Variants in CHMP2B observed in about 807,000 individuals in gnomAD.
CHMP2B encodes the protein VPS2 homolog B.
Under a neutral mutation model 29.8 loss-of-function variants are expected in CHMP2B, and 22 were observed. That is an observed-to-expected ratio of 0.74 (90% CI 0.53 to 1.05). The LOEUF (loss-of-function observed/expected upper bound fraction) is 1.05, where lower values mean the gene tolerates loss of function less well. CHMP2B is among the 50% of genes least tolerant of loss of function. CHMP2B has a pLI of 0.00. For synonymous variants in CHMP2B, 78 were observed against 75.8 expected, an observed-to-expected ratio of 1.03 and a Z score of -0.15; for missense variants, 261 against 252.2, an observed-to-expected ratio of 1.03 and a Z score of -0.24.
chr3:87,241,647 T>C (rs905510160), intron 2 of CHMP2B, among the ~76,000 whole-genome samples: 34 of 152,196 alleles, frequency 2.2e-4, no homozygotes, highest in African/African-American at 6.0e-4. Context: ...GTTAATTACT[T>C]TTTATTGATG....
intron 1 of CHMP2B, among the ~76,000 whole-genome samples, chr3:87,234,769 G>A (rs1705970032): frequency 6.6e-6 from 1 of 152,136 alleles, no homozygotes; most frequent in African/African-American, 2.4e-5. Flanking sequence ...GGATAGACAG[G>A]AGTCAAGCAC....
At chr3:87,231,597 G>A (rs181189899) in intron 1 of CHMP2B, among the ~76,000 whole-genome samples, 2 of 152,250 alleles carry the variant, frequency 1.3e-5, no homozygotes, top group Non-Finnish European at 2.9e-5. Context: ...AGGATCCACT[G>A]TGAGTGTTTT....
At position 87,227,553 on chromosome 3, in the gene CHMP2B, G is replaced by T; in HGVS notation, c.31G>T (p.Asp11Tyr). 2 of 1,614,186 alleles carry T rather than the reference G, an allele frequency of 1.2e-6. No individual in the cohort carries two copies. Among genetic ancestry groups the T allele is most frequent in the Non-Finnish European group, 1.7e-6 (2 of 1,180,028 alleles). MASLFKKKTV[D>Y]DVIKEQNREL... The stretch of plus-strand genomic sequence containing the variant: ...GTCCCTCTTCAAGAAGAAAACCGTG[G>T]ATGGTGAGTTCCAGGCCGGGCTGAA... Residue 11 changes from aspartate (D) to tyrosine (Y), a missense_variant, in exon 1 of 6, where the codon GAT (aspartate) becomes TAT (tyrosine). Coordinates refer to ENST00000263780, the MANE Select transcript of CHMP2B (RefSeq NM_014043.4).
intron 4 of CHMP2B, among the ~76,000 whole-genome samples, chr3:87,252,677 G>T (rs1306230795): frequency 6.6e-6 from 1 of 151,586 alleles, no homozygotes; most frequent in African/African-American, 2.4e-5. Context: ...CGAGGTCTTT[G>T]TTTTTCTCCG....
intron 4 of CHMP2B, 63 bp from the exon 5 acceptor site, chr3:87,253,341 T>C: frequency 3.2e-6 from 3 of 950,530 alleles, no homozygotes; most frequent in Admixed American, 1.7e-5. Flanking sequence ...ACTGTAAATA[T>C]GTAAGTCTAA....
chr3:87,236,688 C>G (rs1706019122), intron 1 of CHMP2B, among the ~76,000 whole-genome samples: 1 of 151,892 alleles, frequency 6.6e-6, no homozygotes, highest in South Asian at 2.1e-4. Context: ...CCCGTCTCTA[C>G]TAAAAATACC....
chr3:87,237,850 TAGA>T (rs1430831671), intron 1 of CHMP2B, among the ~76,000 whole-genome samples: 1 of 152,182 alleles, frequency 6.6e-6, no homozygotes, highest in Non-Finnish European at 1.5e-5. Context: ...TCACTCATTT[TAGA>T]AGAAGAAAGT....
rs1462993811 is a variant in CHMP2B at position 87,252,941 on chromosome 3, A to G, written c.425-463A>G. On this transcript the variant is annotated intron_variant, in intron 4 of 5. Coordinates refer to ENST00000263780, the MANE Select transcript of CHMP2B (RefSeq NM_014043.4). ...AAAATATTGAACCTTAGATTTCTCT[A>G]GAATATTCTACCTGTATCTTGAATG... 4.8e-5 allele frequency: 8 copies of G among 165,054 alleles called. No homozygotes were observed. In the Admixed American group the frequency reaches 4.8e-4, roughly 10 times the overall value. 10.2% of individuals were successfully genotyped at this position (165,054 alleles called of 1,614,324 possible). A position where few individuals can be genotyped will look rare whatever the true frequency, so the allele number is the denominator to read the frequency against.
rs554464106 is a variant in CHMP2B, at chr3:87,243,386, GT to G, written c.127-2320del. Among the ~76,000 whole-genome samples, 1,155 of 151,526 alleles carry G rather than the reference GT, an allele frequency of 7.6e-3. 4 individuals are homozygous for G. The highest frequency in any genetic ancestry group is 0.012 in the Non-Finnish European group (845 of 67,846). On this transcript the variant is annotated intron_variant, in intron 2 of 5. Coordinates refer to ENST00000263780, the MANE Select transcript of CHMP2B (RefSeq NM_014043.4). ...TTGTAGTTTTCTTTTTGTGTGGTGG[GT>G]TTTTTTTGTTTGTTTGTTTGTTTGT...
At chr3:87,234,799 A>T (rs1705970859) in intron 1 of CHMP2B, among the ~76,000 whole-genome samples, 1 of 152,216 alleles carries the variant, frequency 6.6e-6, no homozygotes, top group Admixed American at 6.5e-5. Context: ...CTTAGGTGGC[A>T]GCAGTACCCT....
intron 1 of CHMP2B, among the ~76,000 whole-genome samples, chr3:87,239,519 C>G (rs1284265608): frequency 6.6e-6 from 1 of 151,974 alleles, no homozygotes; most frequent in Non-Finnish European, 1.5e-5. Flanking sequence ...ACTGTTCTTT[C>G]TCCTGTTGTT....
rs1335954545 is a variant in CHMP2B, at chr3:87,227,434, C to A, written c.-89C>A. On this transcript the variant is annotated 5_prime_UTR_variant, in exon 1 of 6. Coordinates refer to ENST00000263780, the MANE Select transcript of CHMP2B (RefSeq NM_014043.4). ...GTCTCTCCGCTCCGCCACCCCGAACCCGCCAAGGTCCTGTCCTTTTCCTCC... is the reference window on the plus strand; with the variant it reads ...GTCTCTCCGCTCCGCCACCCCGAACACGCCAAGGTCCTGTCCTTTTCCTCC... The A allele has an allele frequency of 2.6e-6, 4 of 1,529,206 alleles. No individual in the cohort carries two copies. Among genetic ancestry groups the A allele is most frequent in the Non-Finnish European group, 3.6e-6 (4 of 1,103,480 alleles). The allele number at this position is 1,529,206 out of a possible 1,614,324, so 94.7% of individuals were successfully genotyped here. A position where few individuals can be genotyped will look rare whatever the true frequency, so the allele number is the denominator to read the frequency against.
At position 87,254,790 on chromosome 3, in the gene CHMP2B, G is replaced by A. The variant is rs886058910; in HGVS notation, c.*968G>A. On this transcript the variant is annotated 3_prime_UTR_variant, in exon 6 of 6. Transcript: ENST00000263780. ...TTTAAACTGTTTAATTTTGTTTAAT[G>A]TGTATATTGAATCTTCCAAATTGAA... 3.3e-5 allele frequency: 5 copies of A among 151,988 alleles called. No individual in the cohort carries two copies. In the South Asian group the frequency reaches 1.0e-3, roughly 32 times the overall value. The allele number at this position is 151,988 out of a possible 1,614,324, so 9.4% of individuals were successfully genotyped here.
intron 1 of CHMP2B, among the ~76,000 whole-genome samples, chr3:87,231,796 A>T (rs1425751704): frequency 6.6e-6 from 1 of 152,058 alleles, no homozygotes; most frequent in Non-Finnish European, 1.5e-5. Context: ...CCTCTAGCTA[A>T]GCTGAACTAT....
At position 87,253,506 on chromosome 3, in the gene CHMP2B, G is replaced by A. The variant is rs1459567090; in HGVS notation, c.527G>A (p.Gly176Glu). ...VLDEIGIEISGKMAKAPSAAR... is the reference protein window; with the variant it reads ...VLDEIGIEISEKMAKAPSAAR... ...GATGAAATTGGAATTGAAATTTCTG[G>A]AAAGGTATGAACATCATCTTTTCTT... The change falls in exon 5 of 6, where the codon GGA becomes GAA. Residue 176 changes from glycine (G) to glutamate (E), a missense_variant. Gly to Glu is a moderately conservative substitution (Grantham distance 98). Transcript: ENST00000263780. 6.3e-7 allele frequency: 1 copy of A among 1,582,728 alleles called. No homozygotes were observed. The highest frequency in any genetic ancestry group is 1.3e-5 in the African/African-American group (1 of 74,222).
At chr3:87,241,897 G>T (rs1311126794) in intron 2 of CHMP2B, among the ~76,000 whole-genome samples, 1 of 152,136 alleles carries the variant, frequency 6.6e-6, no homozygotes, top group Non-Finnish European at 1.5e-5. Context: ...TGAAAAATTT[G>T]CAGAGTGCCT....
At chr3:87,232,136 G>T (rs1231200298) in intron 1 of CHMP2B, among the ~76,000 whole-genome samples, 5 of 152,292 alleles carry the variant, frequency 3.3e-5, no homozygotes, top group African/African-American at 1.2e-4. Context: ...TTTAGTGCAA[G>T]TTAGAGGTAA....
At chr3:87,233,961 AGCTTGAATCCT>A (rs1705953020) in intron 1 of CHMP2B, among the ~76,000 whole-genome samples, 1 of 152,206 alleles carries the variant, frequency 6.6e-6, no homozygotes, top group Non-Finnish European at 1.5e-5. Flanking sequence ...CTAGTAGATC[AGCTTGAATCCT>A]GCTGACCGAT....
chr3:87,229,555 T>C (rs998288334), intron 1 of CHMP2B, among the ~76,000 whole-genome samples: 2 of 152,140 alleles, frequency 1.3e-5, no homozygotes, highest in African/African-American at 4.8e-5. Flanking sequence ...ATTCCCTGTT[T>C]TATTGAAAGG....
Sources: allele counts gnomAD v4.1 joint callset (sites outside exome capture counted in the v4.1 genomes callset), GRCh38; gene constraint gnomAD v4.1.1; transcripts MANE v1.5; gene names NCBI Gene and HGNC (gene_info 2026-07-23, HGNC 2026-07-21).